Variants in DTNA observed in about 807,000 individuals in gnomAD.
DTNA encodes dystrobrevin alpha.
In DTNA, 43 loss-of-function variants were observed where a neutral mutation model predicts 100.7. The ratio of observed to expected loss-of-function variants is 0.43; its 90% CI spans 0.33 to 0.55. DTNA has a LOEUF of 0.55. DTNA is among the 20% of genes least tolerant of loss of function. The pLI is 0.04. For synonymous variants in DTNA, 349 were observed against 347.9 expected (o/e 1.00, Z -0.04); for missense variants, 798 against 953.9 (o/e 0.84, Z 2.15).
At position 34,820,905 on chromosome 18, in the gene DTNA, G is replaced by A. The variant is rs1352066424; in HGVS notation, c.991G>A (p.Ala331Thr). Reference sequence around the variant, plus strand: ...TCAGCCTGAGAAGCCACTCAACTTGGCTCACATCGTGTGAGTATCCCTACC... The same window carrying A: ...TCAGCCTGAGAAGCCACTCAACTTGACTCACATCGTGTGAGTATCCCTACC... ...PDQPEKPLNL[A>T]HIVPPRPVTS... Residue 331 changes from alanine to threonine, a missense_variant, in exon 9 of 23, where the codon GCT (alanine) becomes ACT (threonine). Physicochemically the swap from Ala to Thr is moderately conservative, Grantham distance 58. Coordinates refer to ENST00000444659, the MANE Select transcript of DTNA (RefSeq NM_001386795.1). 5 of 1,613,816 alleles carry A rather than the reference G, an allele frequency of 3.1e-6. No homozygotes were observed. Among genetic ancestry groups the A allele is most frequent in the South Asian group, 2.2e-5 (2 of 91,090 alleles).
At chr18:34,595,696 ACT>A (rs2050452454) in intron 1 of DTNA, among the ~76,000 whole-genome samples, 1 of 152,014 alleles carries the variant, frequency 6.6e-6, no homozygotes, top group African/African-American at 2.4e-5. Flanking sequence ...GATATCTTTG[ACT>A]CTATGCTGGA....
At chr18:34,660,559 TC>T (rs888299762) in intron 1 of DTNA, among the ~76,000 whole-genome samples, 4 of 152,206 alleles carry the variant, frequency 2.6e-5, no homozygotes, top group South Asian at 4.2e-4. Flanking sequence ...CCTTTCCAGG[TC>T]TTTTTCCTGA....
intron 1 of DTNA, among the ~76,000 whole-genome samples, chr18:34,712,456 TAGATATTAGAGCTACAAGTGTGTAAAAA>T (rs1187712700): frequency 6.6e-5 from 10 of 152,266 alleles, no homozygotes; most frequent in African/African-American, 2.4e-4. Flanking sequence ...CCAGCCAGCT[TAGATATTAGAGCTACAAGTGTGTAAAAA>T]CCAAGATATG....
At position 34,889,174 on chromosome 18, in the gene DTNA, A is replaced by G; in HGVS notation, c.*1440A>G. The G allele has an allele frequency of 1.0e-6, 1 of 985,478 alleles. No homozygotes were observed. Among genetic ancestry groups the G allele is most frequent in the Non-Finnish European group, 1.2e-6 (1 of 829,946 alleles). The allele number at this position is 985,478 out of a possible 1,614,324, so 61.0% of individuals were successfully genotyped here. A position where few individuals can be genotyped will look rare whatever the true frequency, so the allele number is the denominator to read the frequency against. ...GACCTATTCAATACATTATGCTTAAATTAGCAGTTTCTCTGGAATTCCTGT... is the reference window on the plus strand; with the variant it reads ...GACCTATTCAATACATTATGCTTAAGTTAGCAGTTTCTCTGGAATTCCTGT... On this transcript the variant is annotated 3_prime_UTR_variant, in exon 23 of 23. Coordinates refer to ENST00000444659, the MANE Select transcript of DTNA (RefSeq NM_001386795.1).
At chr18:34,835,583 A>C (rs1002720600) in intron 11 of DTNA, among the ~76,000 whole-genome samples, 1 of 152,128 alleles carries the variant, frequency 6.6e-6, no homozygotes, top group African/African-American at 2.4e-5. Flanking sequence ...AAGAAAAAAA[A>C]AAGGAGAAGG....
intron 1 of DTNA, among the ~76,000 whole-genome samples, chr18:34,666,154 G>A (rs1465657913): frequency 1.3e-5 from 2 of 152,156 alleles, no homozygotes; most frequent in Non-Finnish European, 2.9e-5. Context: ...GTTTTGATTT[G>A]CATTTCCCTG....
intron 3 of DTNA, among the ~76,000 whole-genome samples, chr18:34,790,885 T>C (rs571887030): frequency 9.6e-4 from 146 of 152,176 alleles, no homozygotes; most frequent in African/African-American, 3.2e-3. Flanking sequence ...ATTACAGTGA[T>C]GTTTAGGAGA....
intron 17 of DTNA, among the ~76,000 whole-genome samples, chr18:34,865,248 CTT>C (rs2096683136): frequency 6.6e-6 from 1 of 151,722 alleles, no homozygotes; most frequent in Non-Finnish European, 1.5e-5. Flanking sequence ...TCTGTCCTTT[CTT>C]TCTCTCTTTT....
chr18:34,867,925 G>T (rs1039729086), intron 17 of DTNA: 4 of 985,304 alleles, frequency 4.1e-6, no homozygotes, highest in Non-Finnish European at 4.8e-6. Context: ...CCAGATGTCA[G>T]CAATACATCG....
intron 1 of DTNA, among the ~76,000 whole-genome samples, chr18:34,677,310 G>A (rs1029158330): frequency 1.3e-5 from 2 of 152,102 alleles, no homozygotes; most frequent in African/African-American, 2.4e-5. Flanking sequence ...GCATTGTTTA[G>A]GCTCCCTCCA....
At chr18:34,524,677 A>G (rs1194641668) in intron 1 of DTNA, among the ~76,000 whole-genome samples, 2 of 152,172 alleles carry the variant, frequency 1.3e-5, no homozygotes, top group Non-Finnish European at 2.9e-5. Flanking sequence ...TGGTATGCAA[A>G]CATAGTATGT....
chr18:34,683,015 AT>A (rs1464633198), intron 1 of DTNA, among the ~76,000 whole-genome samples: 1 of 152,186 alleles, frequency 6.6e-6, no homozygotes, highest in Admixed American at 6.6e-5. Flanking sequence ...TTTTTAAAAT[AT>A]CCACATTTCA....
At chr18:34,821,649 GAAGA>G (rs1202474527) in intron 9 of DTNA, among the ~76,000 whole-genome samples, 6 of 152,306 alleles carry the variant, frequency 3.9e-5, no homozygotes, top group African/African-American at 1.4e-4. Flanking sequence ...GGGCTCATAA[GAAGA>G]AAGAGTCTCA....
chr18:34,694,883 C>G (rs988439297), intron 1 of DTNA, among the ~76,000 whole-genome samples: 4 of 152,166 alleles, frequency 2.6e-5, no homozygotes, highest in Admixed American at 2.0e-4. Flanking sequence ...AAATGAGCCT[C>G]TCATCCCCTC....
At chr18:34,792,801 T>C (rs1602116094) in intron 3 of DTNA, among the ~76,000 whole-genome samples, 1 of 152,320 alleles carries the variant, frequency 6.6e-6, no homozygotes, top group Middle Eastern at 3.4e-3. Context: ...GCCTTTTCAT[T>C]TCTAAGTATT....
At chr18:34,736,263 G>C (rs1221345096) in intron 1 of DTNA, among the ~76,000 whole-genome samples, 1 of 152,148 alleles carries the variant, frequency 6.6e-6, no homozygotes, top group Non-Finnish European at 1.5e-5. Context: ...CTACACATAT[G>C]TATGCGTGCA....
At chr18:34,692,527 A>G (rs1394102873) in intron 1 of DTNA, among the ~76,000 whole-genome samples, 1 of 152,222 alleles carries the variant, frequency 6.6e-6, no homozygotes, top group Non-Finnish European at 1.5e-5. Context: ...TAATCCTATA[A>G]GAAGAATATG....
At chr18:34,631,810 G>A (rs1036627846) in intron 1 of DTNA, among the ~76,000 whole-genome samples, 3 of 152,122 alleles carry the variant, frequency 2.0e-5, no homozygotes, top group Admixed American at 1.3e-4. Context: ...GTGCAAACTT[G>A]TTCATCACCC....
intron 15 of DTNA, among the ~76,000 whole-genome samples, chr18:34,855,768 G>T (rs1790535): frequency 0.17 from 25,124 of 152,106 alleles, 2,727 homozygotes; most frequent in African/African-American, 0.31. Context: ...AAATTCACAA[G>T]CCCACGAATA....
Sources: gnomAD v4.1 joint callset for allele counts (sites outside exome capture counted in the v4.1 genomes callset) on GRCh38, gnomAD v4.1.1 for gene constraint, MANE v1.5 for transcripts, NCBI Gene and HGNC (gene_info 2026-07-23, HGNC 2026-07-21) for gene names.